The following CCDC171 variants were observed in gnomAD, a reference collection of about 807,000 sequenced individuals.
The protein encoded by CCDC171 is coiled-coil domain containing 171.
A neutral mutation model predicts 168.2 loss-of-function variants in CCDC171; 177 were observed. The ratio of observed to expected loss-of-function variants is 1.05; its 90% CI spans 0.93 to 1.19. The LOEUF (loss-of-function observed/expected upper bound fraction) is 1.19. CCDC171 is among the 50% of genes most tolerant of loss of function. CCDC171 has a pLI of 0.00. For synonymous variants in CCDC171, 687 were observed against 540.8 expected, an observed-to-expected ratio of 1.27 and a Z score of -3.75; for missense variants, 1,991 against 1,539.0, an observed-to-expected ratio of 1.29 and a Z score of -4.91.
At chr9:16,045,321 C>G (rs1833644006) in intron 1 of CCDC171, among the ~76,000 whole-genome samples, 2 of 152,164 alleles carry the variant, frequency 1.3e-5, no homozygotes, top group Non-Finnish European at 2.9e-5. Flanking sequence ...CTGTGGACAA[C>G]TGGATCTTAA....
chr9:15,698,173 C>T (rs1339686605), intron 11 of CCDC171, among the ~76,000 whole-genome samples: 1 of 152,110 alleles, frequency 6.6e-6, no homozygotes, highest in Admixed American at 6.5e-5. Flanking sequence ...CACTAGTAAC[C>T]ACCATTCTAC....
At chr9:15,982,587 GT>G (rs1474679906) in intron 3 of CCDC171, among the ~76,000 whole-genome samples, 1 of 152,066 alleles carries the variant, frequency 6.6e-6, no homozygotes, top group African/African-American at 2.4e-5. Context: ...GAAGCAAGGG[GT>G]CTTTTTCTTG....
intron 3 of CCDC171, among the ~76,000 whole-genome samples, chr9:15,575,605 A>G (rs1218762584): frequency 6.6e-6 from 1 of 152,178 alleles, no homozygotes; most frequent in African/African-American, 2.4e-5. Flanking sequence ...CCTCAGAGAA[A>G]TCAGGGAATC....
downstream of CCDC171, among the ~76,000 whole-genome samples, chr9:15,976,452 A>G (rs982619467): frequency 3.9e-5 from 6 of 152,080 alleles, no homozygotes; most frequent in Admixed American, 3.9e-4. Flanking sequence ...TAATTCTTCA[A>G]TTAACCTGTG....
At chr9:15,672,650 C>T (rs934210702) in intron 9 of CCDC171, among the ~76,000 whole-genome samples, 1 of 152,148 alleles carries the variant, frequency 6.6e-6, no homozygotes, top group East Asian at 1.9e-4. Flanking sequence ...TGTTGAAGAT[C>T]AGATGGTTGT....
chr9:15,722,172 G>C (rs1188511305), intron 12 of CCDC171, among the ~76,000 whole-genome samples: 1 of 152,110 alleles, frequency 6.6e-6, no homozygotes, highest in Non-Finnish European at 1.5e-5. Flanking sequence ...TATGCAAGTA[G>C]TTTAAGTTAA....
At chr9:15,943,844 AT>A (rs1827992474) in intron 25 of CCDC171, among the ~76,000 whole-genome samples, 1 of 152,036 alleles carries the variant, frequency 6.6e-6, no homozygotes, top group Non-Finnish European at 1.5e-5. Context: ...CAATAAGGTG[AT>A]AAATGCTCAT....
intron 3 of CCDC171, among the ~76,000 whole-genome samples, chr9:16,020,101 A>T (rs1564122813): frequency 6.6e-6 from 1 of 152,194 alleles, no homozygotes; most frequent in Non-Finnish European, 1.5e-5. Flanking sequence ...AAAATCCAAA[A>T]GCTCCATAAT....
chr9:15,695,739 G>T (rs1207017963), intron 11 of CCDC171, among the ~76,000 whole-genome samples: 2 of 152,152 alleles, frequency 1.3e-5, no homozygotes, highest in African/African-American at 4.8e-5. Flanking sequence ...TAGGACACAG[G>T]CTGTAGCATA....
rs77982764 is a variant in CCDC171, at chr9:15,679,578, T to G, written c.1215+682T>G. ...TTTCTTTTCTTTTTGAAGATGAGGT[T>G]TCACTCTGTTGCCCAGGCTAGAGTG... is the stretch of plus-strand genomic sequence containing the variant. On this transcript the variant is annotated intron_variant, in intron 10 of 25. Coordinates refer to ENST00000380701, the MANE Select transcript of CCDC171 (RefSeq NM_173550.4). Among the ~76,000 whole-genome samples, 795 of 152,310 alleles carry G rather than the reference T, an allele frequency of 5.2e-3. 6 individuals carry two copies. The highest frequency in any genetic ancestry group is 0.019 in the African/African-American group (778 of 41,570).
chr9:15,662,660 G>A (rs2048405282), intron 8 of CCDC171, among the ~76,000 whole-genome samples: 1 of 152,068 alleles, frequency 6.6e-6, no homozygotes, highest in Non-Finnish European at 1.5e-5. Context: ...CATATATTAA[G>A]TACTTAATAA....
At chr9:15,567,948 G>C (rs2039883201) in intron 2 of CCDC171, among the ~76,000 whole-genome samples, 1 of 149,654 alleles carries the variant, frequency 6.7e-6, no homozygotes, top group South Asian at 2.1e-4. Context: ...CACCATCCCT[G>C]GCCTTGCATT....
At chr9:15,743,530 G>C (rs1255877794) in intron 16 of CCDC171, among the ~76,000 whole-genome samples, 5 of 152,078 alleles carry the variant, frequency 3.3e-5, no homozygotes, top group African/African-American at 1.2e-4. Context: ...ATTTCATAGA[G>C]AGAGCCAATT....
At chr9:15,743,138 C>CTTTTTTTT (rs66642691) in intron 16 of CCDC171, among the ~76,000 whole-genome samples, 14 of 73,264 alleles carry the variant, frequency 1.9e-4, no homozygotes, top group African/African-American at 4.6e-4. Context: ...CTGTTACCTT[C>CTTTTTTTT]TTTTTTTTTT....
At chr9:15,682,477 A>G in intron 10 of CCDC171, among the ~76,000 whole-genome samples, 1 of 152,162 alleles carries the variant, frequency 6.6e-6, no homozygotes, top group African/African-American at 2.4e-5. Flanking sequence ...TAATTGACAC[A>G]AAATAATTGT....
At chr9:15,898,652 A>G (rs1011803238) in intron 24 of CCDC171, among the ~76,000 whole-genome samples, 1 of 152,132 alleles carries the variant, frequency 6.6e-6, no homozygotes, top group Non-Finnish European at 1.5e-5. Context: ...AAATTTGTAT[A>G]TCTTCCCTTT....
At chr9:15,565,685 A>G (rs1357498682) in intron 2 of CCDC171, among the ~76,000 whole-genome samples, 5 of 152,238 alleles carry the variant, frequency 3.3e-5, no homozygotes, top group Non-Finnish European at 1.5e-5. Flanking sequence ...TGTAACACGT[A>G]GCAGCCCTTC....
At chr9:15,564,172 T>C (rs1204487433) in intron 2 of CCDC171, 43 bp downstream of exon 2, 2 of 1,482,104 alleles carry the variant, frequency 1.3e-6, no homozygotes, top group Non-Finnish European at 1.9e-6. Flanking sequence ...ACGTTTTTAG[T>C]TGCAAGGAAC....
intron 2 of CCDC171, among the ~76,000 whole-genome samples, chr9:15,569,879 CT>C (rs1307920396): frequency 2.0e-5 from 3 of 151,668 alleles, no homozygotes; most frequent in African/African-American, 4.8e-5. Flanking sequence ...ATCTCCATCT[CT>C]TTTTTTGCTT....
Sources: gnomAD v4.1 joint callset for allele counts (sites outside exome capture counted in the v4.1 genomes callset) on GRCh38, gnomAD v4.1.1 for gene constraint, MANE v1.5 for transcripts, NCBI Gene and HGNC (gene_info 2026-07-23, HGNC 2026-07-21) for gene names.